The following RAB37 variants were observed in gnomAD, a reference collection of about 807,000 sequenced individuals.
RAB37 encodes the protein RAB37, member RAS oncogene family.
In RAB37, 29 loss-of-function variants were observed where a neutral mutation model predicts 33.1. The ratio of observed to expected loss-of-function variants is 0.88; its 90% CI spans 0.65 to 1.20. The LOEUF is 1.20. Among genes scored for constraint, RAB37 ranks in the 50% most tolerant of loss-of-function variants. RAB37 has a pLI of 0.00. For missense variants in RAB37, 299 were observed against 301.1 expected (o/e 0.99, Z 0.05); for synonymous variants, 128 against 119.5 (o/e 1.07, Z -0.47).
chr17:74,739,826 C>T (rs1379763804), intron 1 of RAB37, among the ~76,000 whole-genome samples: 4 of 152,144 alleles, frequency 2.6e-5, no homozygotes, highest in Non-Finnish European at 4.4e-5. Flanking sequence ...CTACTGCACC[C>T]GGCCTCATGC....
In RAB37 at chr17:74,744,630, T is replaced by G. The variant is rs58713971; in HGVS notation, c.433-243T>G. The G allele has an allele frequency of 0.011, 6,550 of 623,558 alleles. 87 individuals carry two copies. The highest frequency in any genetic ancestry group is 0.045 in the Middle Eastern group (166 of 3,678). 38.6% of individuals were successfully genotyped at this position (623,558 alleles called of 1,614,324 possible). ...AGAGCAGAGTGAACAGGGTCCCAGG[T>G]CAGGGGCTAAGAGTGCAAAGGGTTA... On this transcript the variant is annotated intron_variant, in intron 6 of 8. Coordinates refer to ENST00000392613, the MANE Select transcript of RAB37 (RefSeq NM_001006638.3). This position sits in a 1 kb window ranked among gnomAD's most constrained non-coding sequence, Gnocchi z 4.2.
chr17:74,728,891 T>C (rs1053372966), intron 1 of RAB37, among the ~76,000 whole-genome samples: 3 of 151,996 alleles, frequency 2.0e-5, no homozygotes, highest in Non-Finnish European at 4.4e-5. Flanking sequence ...TGTGTGTACA[T>C]GTGTTTTTCT....
intron 1 of RAB37, among the ~76,000 whole-genome samples, chr17:74,692,373 C>T (rs966430326): frequency 1.3e-5 from 2 of 152,028 alleles, no homozygotes; most frequent in African/African-American, 2.4e-5. Flanking sequence ...TCCCCCAGAG[C>T]GGAAAAGCCC....
chr17:74,684,897 A>G (rs996770222), intron 1 of RAB37, among the ~76,000 whole-genome samples: 3 of 152,076 alleles, frequency 2.0e-5, no homozygotes, highest in African/African-American at 4.8e-5. Context: ...AGATAGATAG[A>G]TAGATCCATC....
chr17:74,671,529 C>G lies in RAB37; in HGVS notation c.-58C>G, dbSNP rs770367273. 76 of 1,568,078 alleles carry G rather than the reference C, an allele frequency of 4.8e-5. No homozygotes were observed. The highest frequency in any genetic ancestry group is 1.4e-4 in the South Asian group (13 of 90,026). On this transcript the variant is annotated 5_prime_UTR_variant, in exon 1 of 8. Coordinates refer to the RAB37 transcript ENST00000340415. This position sits in a 1 kb window ranked among gnomAD's most constrained non-coding sequence, Gnocchi z 5.0. ...CACCCAGCGGAGCTCGAACCGAGCT[C>G]CTGGAAGCGCTGACGCAGAGCGCAG...
intron 1 of RAB37, among the ~76,000 whole-genome samples, chr17:74,725,771 C>T (rs1456892795): frequency 6.6e-6 from 1 of 151,942 alleles, no homozygotes; most frequent in Non-Finnish European, 1.5e-5. Context: ...TTACAGGTGC[C>T]TGCCATCACG....
At chr17:74,743,711 A>G (rs1006953957) in intron 5 of RAB37, among the ~76,000 whole-genome samples, 1 of 152,178 alleles carries the variant, frequency 6.6e-6, no homozygotes, top group Non-Finnish European at 1.5e-5. Flanking sequence ...CAAGAAAGTG[A>G]CTCAGTCAGA....
chr17:74,704,604 G>C (rs1434035842), intron 1 of RAB37: 1 of 1,614,160 alleles, frequency 6.2e-7, no homozygotes, highest in Non-Finnish European at 8.5e-7. Context: ...CGGTTTTTCT[G>C]ATTGTCCTTG....
chr17:74,706,030 G>C (rs1473829267), intron 1 of RAB37, among the ~76,000 whole-genome samples: 1 of 152,136 alleles, frequency 6.6e-6, no homozygotes, highest in African/African-American at 2.4e-5. Context: ...ACTTATAAGT[G>C]GGAGCTAAAC....
In RAB37 at chr17:74,724,254, C is replaced by A. The variant is rs114505891; in HGVS notation, c.73-5002C>A. ...AGTGCATTGGTTTGGTCTGGAAAGGCGGGACAACTCAGAAGCAAAGGCAGA... is the reference window on the plus strand; with the variant it reads ...AGTGCATTGGTTTGGTCTGGAAAGGAGGGACAACTCAGAAGCAAAGGCAGA... On this transcript the variant is annotated intron_variant, in intron 1 of 7. Transcript: ENST00000340415. 9.3e-3 allele frequency among the ~76,000 whole-genome samples: 1,417 copies of A among 152,198 alleles called. 18 individuals are homozygous for A. Among genetic ancestry groups the A allele is most frequent in the African/African-American group, 0.033 (1,349 of 41,500 alleles).
chr17:74,716,561 C>T (rs571902746), intron 1 of RAB37, among the ~76,000 whole-genome samples: 6 of 152,264 alleles, frequency 3.9e-5, no homozygotes, highest in African/African-American at 9.6e-5. Context: ...AAAGGTGATG[C>T]GTTTCTCATT....
chr17:74,698,436 G>A (rs867433005), intron 1 of RAB37: 2 of 1,613,980 alleles, frequency 1.2e-6, no homozygotes, highest in Non-Finnish European at 8.5e-7. Context: ...GCAGCAATAT[G>A]GTGAAGATGA....
intron 1 of RAB37, among the ~76,000 whole-genome samples, chr17:74,682,244 G>A (rs964448641): frequency 2.0e-5 from 3 of 152,196 alleles, no homozygotes; most frequent in African/African-American, 7.2e-5. Flanking sequence ...ATTGGTTCCT[G>A]TACCAGAGAA....
In RAB37 at chr17:74,695,978, C is replaced by T. The variant is rs137990037; in HGVS notation, c.72+24320C>T. ...TCCCCAGGTGCCCCTCTCCCATTTC[C>T]CTCCGTGTCCTCCACTTCTCAGGCT... On this transcript the variant is annotated intron_variant, in intron 1 of 7. Coordinates refer to the RAB37 transcript ENST00000340415. 2.4e-4 allele frequency: 317 copies of T among 1,306,042 alleles called. 1 individual carries two copies. In the African/African-American group the frequency reaches 4.1e-3, roughly 17 times the overall value. The allele number at this position is 1,306,042 out of a possible 1,614,324, so 80.9% of individuals were successfully genotyped here. A position where few individuals can be genotyped will look rare whatever the true frequency, so the allele number is the denominator to read the frequency against.
At chr17:74,704,306 G>C in intron 1 of RAB37, 1 of 607,698 alleles carries the variant, frequency 1.6e-6, no homozygotes, top group East Asian at 2.7e-5. Flanking sequence ...AGCCATGGGG[G>C]CATTGAAGAG....
chr17:74,730,048 G>A lies in RAB37; in HGVS notation c.183+682G>A, dbSNP rs937538145. ...CTTTTTCTGCCCGCAGCCCCTCTGC[G>A]AGACAAGGGATCCCTCCTTTACCAC... is the stretch of plus-strand genomic sequence containing the variant. On this transcript the variant is annotated intron_variant, in intron 2 of 7. Transcript: ENST00000340415. The surrounding 1 kb of genome is among the most constrained non-coding windows in gnomAD (Gnocchi z 4.4). Among the ~76,000 whole-genome samples, 6 of 152,152 alleles carry A rather than the reference G, an allele frequency of 3.9e-5. No individual in the cohort carries two copies. Among genetic ancestry groups the A allele is most frequent in the East Asian group, 1.9e-4 (1 of 5,166 alleles).
intron 1 of RAB37, among the ~76,000 whole-genome samples, chr17:74,696,564 A>T (rs1202852213): frequency 6.6e-6 from 1 of 152,112 alleles, no homozygotes; most frequent in Non-Finnish European, 1.5e-5. Context: ...GAATTCCACC[A>T]TGTCTCTCTA....
intron 1 of RAB37, among the ~76,000 whole-genome samples, chr17:74,679,112 A>G (rs76953366): frequency 7.1e-6 from 1 of 140,916 alleles, no homozygotes; most frequent in African/African-American, 2.6e-5. Flanking sequence ...CTCTGTCTCA[A>G]AAAAAAAAAA....
chr17:74,697,085 A>T (rs1226327830), intron 1 of RAB37, among the ~76,000 whole-genome samples: 1 of 152,090 alleles, frequency 6.6e-6, no homozygotes, highest in Non-Finnish European at 1.5e-5. Flanking sequence ...GGAACTACAG[A>T]TGTGTGCCAC....
Sources: gnomAD v4.1 joint callset for allele counts (sites outside exome capture counted in the v4.1 genomes callset) on GRCh38, gnomAD v4.1.1 for gene constraint, Gnocchi (gnomAD v3.1) non-coding constraint, MANE v1.5 for transcripts, NCBI Gene and HGNC (gene_info 2026-07-23, HGNC 2026-07-21) for gene names.